The following HGFAC variants were observed in gnomAD, a reference collection of about 807,000 sequenced individuals.
HGFAC encodes the protein hepatocyte growth factor activator serine protease.
A neutral mutation model predicts 70.6 loss-of-function variants in HGFAC; 76 were observed. The observed-to-expected ratio is 1.08, with a 90% CI of 0.89 to 1.30. HGFAC has a LOEUF of 1.30. Among genes scored for constraint, HGFAC ranks in the 50% most tolerant of loss-of-function variants. HGFAC has a pLI of 0.00. For missense variants in HGFAC, 1,044 were observed against 933.7 expected (o/e 1.12, Z -1.54); for synonymous variants, 464 against 405.3 (o/e 1.14, Z -1.74).
chr4:3,449,179 A>AG (rs1035886371), intron 13 of HGFAC, 58 bp from the exon 14 acceptor site: 68 of 1,504,980 alleles, frequency 4.5e-5, no homozygotes, highest in East Asian at 4.4e-4. Flanking sequence ...CTTGGGGGAG[A>AG]GGGGGGTCCC....
intron 8 of HGFAC, 128 bp downstream of exon 8, chr4:3,445,121 T>G: frequency 7.5e-7 from 1 of 1,328,406 alleles, no homozygotes; most frequent in Non-Finnish European, 1.0e-6. Context: ...AACCTCTGCC[T>G]GGGAGGCTGC....
intron 13 of HGFAC, 109 bp downstream of exon 13, chr4:3,448,385 T>A: frequency 7.5e-7 from 1 of 1,336,478 alleles, no homozygotes; most frequent in Non-Finnish European, 1.0e-6. Flanking sequence ...CACCCCAACC[T>A]GGCAGGGCCA....
At chr4:3,447,658 C>A (rs1421652225) in intron 11 of HGFAC, 27 bp downstream of exon 11, 5 of 1,610,942 alleles carry the variant, frequency 3.1e-6, no homozygotes, top group Non-Finnish European at 4.2e-6. Context: ...CGTGGCTGCA[C>A]TCTGGGCAGG....
At chr4:3,441,819 G>A (rs1725321756), upstream of HGFAC, 1 of 507,542 alleles carries the variant, frequency 2.0e-6, no homozygotes, top group Non-Finnish European at 3.4e-6. This position sits in a 1 kb window ranked among gnomAD's most constrained non-coding sequence, Gnocchi z 6.0. Flanking sequence ...TGGGCTTCCA[G>A]GTAGGGTCAA....
chr4:3,441,143 A>G (rs1008389101), upstream of HGFAC, among the ~76,000 whole-genome samples: 3 of 152,140 alleles, frequency 2.0e-5, no homozygotes, highest in African/African-American at 7.2e-5. This position sits in a 1 kb window ranked among gnomAD's most constrained non-coding sequence, Gnocchi z 6.0. Flanking sequence ...CACAGCCCCA[A>G]GTCACGAATT....
intron 7 of HGFAC, 22 bp downstream of exon 7, chr4:3,444,755 G>C: frequency 6.3e-7 from 1 of 1,577,948 alleles, no homozygotes; most frequent in South Asian, 1.1e-5. Flanking sequence ...AGCCCCCCGG[G>C]GTGCCCTGGG....
chr4:3,448,938 G>A (rs1462608221), intron 13 of HGFAC, among the ~76,000 whole-genome samples: 1 of 152,156 alleles, frequency 6.6e-6, no homozygotes, highest in Non-Finnish European at 1.5e-5. Flanking sequence ...TCCAGGGAGT[G>A]AAGAAGTCAT....
At position 3,442,038 on chromosome 4, in the gene HGFAC, C is replaced by T. The variant is rs747546043; in HGVS notation, c.37C>T (p.Pro13Ser). The T allele has an allele frequency of 1.3e-4, 205 of 1,527,868 alleles. No homozygotes were observed. Among genetic ancestry groups the T allele is most frequent in the Non-Finnish European group, 1.7e-4 (201 of 1,154,550 alleles). The allele number at this position is 1,527,868 out of a possible 1,614,324, so 94.6% of individuals were successfully genotyped here. Residue 13 changes from proline to serine, a missense_variant, in exon 1 of 14, where the codon CCA (proline) becomes TCA (serine). By Grantham distance (74) the Pro-to-Ser change is moderately conservative. Coordinates refer to ENST00000382774, the MANE Select transcript of HGFAC (RefSeq NM_001528.4). ...RWAWVPSPWPPPGLGPFLLLL... is the reference protein window; with the variant it reads ...RWAWVPSPWPSPGLGPFLLLL... ...GGCCTGGGTCCCCAGCCCCTGGCCCCCACCGGGGCTGGGCCCCTTCCTCCT... is the reference window on the plus strand; with the variant it reads ...GGCCTGGGTCCCCAGCCCCTGGCCCTCACCGGGGCTGGGCCCCTTCCTCCT...
Position 3,447,488 on chromosome 4 carries a change from A to G in HGFAC, c.1356-4A>G, listed in dbSNP as rs1184703296. 1 of 1,612,248 alleles carries G rather than the reference A, an allele frequency of 6.2e-7. No homozygotes were observed. The highest frequency in any genetic ancestry group is 1.3e-5 in the African/African-American group (1 of 74,902). ...CCATGCAGCCTCCAGCCCCCCTTGC[A>G]CAGCCCCCCCAGGGACAGCGTCTCC... On this transcript the variant is annotated splice_region_variant and splice_polypyrimidine_tract_variant and intron_variant, in intron 10 of 13. Transcript: ENST00000382774.
chr4:3,446,613 C>T (rs1334176800), intron 10 of HGFAC, among the ~76,000 whole-genome samples: 1 of 152,160 alleles, frequency 6.6e-6, no homozygotes, highest in Non-Finnish European at 1.5e-5. Flanking sequence ...CTCCCAGAGT[C>T]CTGGCTCTCA....
chr4:3,442,679 G>C, intron 1 of HGFAC, 53 bp from the exon 2 acceptor site: 1 of 1,303,288 alleles, frequency 7.7e-7, no homozygotes, highest in African/African-American at 1.5e-5. Context: ...CTGCCCGGCA[G>C]GACCTGAGTG....
chr4:3,445,419 C>G (rs1725473543), intron 9 of HGFAC, 69 bp downstream of exon 9: 4 of 1,088,050 alleles, frequency 3.7e-6, no homozygotes, highest in South Asian at 1.3e-5. Context: ...CGTGATCCTC[C>G]TAGCCCCTCC....
chr4:3,445,007 C>T lies in HGFAC; in HGVS notation c.1016+14C>T, dbSNP rs377539052. The T allele has an allele frequency of 8.2e-5, 127 of 1,549,154 alleles. No individual in the cohort carries two copies. Among genetic ancestry groups the T allele is most frequent in the South Asian group, 3.3e-4 (27 of 81,304 alleles). On this transcript the variant is annotated intron_variant, in intron 8 of 13. Transcript: ENST00000382774. ...TGCCTACTGCCGGTCAGCACCACGCCGCTCCAGGCCGCCGCATGCGGGGCA... is the reference window on the plus strand; with the variant it reads ...TGCCTACTGCCGGTCAGCACCACGCTGCTCCAGGCCGCCGCATGCGGGGCA...
At chr4:3,441,074 C>T (rs989892762), upstream of HGFAC, among the ~76,000 whole-genome samples, 25 of 152,124 alleles carry the variant, frequency 1.6e-4, no homozygotes, top group Admixed American at 3.3e-4. The surrounding 1 kb of genome is among the most constrained non-coding windows in gnomAD (Gnocchi z 6.0). Context: ...CAGGAGGAAC[C>T]CGAGGTGCCG....
intron 10 of HGFAC, among the ~76,000 whole-genome samples, chr4:3,446,588 C>T (rs1165822463): frequency 6.6e-6 from 1 of 152,126 alleles, no homozygotes; most frequent in African/African-American, 2.4e-5. Context: ...CCTGTCCTCC[C>T]CGCAGGCCCC....
At chr4:3,444,589 G>T in intron 6 of HGFAC, 34 bp from the exon 7 acceptor site, 3 of 1,550,800 alleles carry the variant, frequency 1.9e-6, no homozygotes, top group Non-Finnish European at 2.6e-6. Flanking sequence ...GGCACTGCGC[G>T]GCCCCTGGCC....
intron 6 of HGFAC, 60 bp downstream of exon 6, chr4:3,444,502 G>A (rs1393007316): frequency 2.6e-6 from 4 of 1,527,318 alleles, no homozygotes; most frequent in African/African-American, 1.4e-5. Context: ...GTCCACACCC[G>A]AGTGGGAGGA....
Position 3,448,155 on chromosome 4 carries a change from G to T in HGFAC, c.1664G>T (p.Arg555Leu). 23 of 1,597,402 alleles carry T rather than the reference G, an allele frequency of 1.4e-5. No homozygotes were observed. The highest frequency in any genetic ancestry group is 2.3e-5 in the East Asian group (1 of 44,056). The part of the protein sequence containing the change: ...ENVSGYSSSL[R>L]EALVPLVADH... The stretch of plus-strand genomic sequence containing the variant: ...GTGAGCGGCTACTCCAGCTCCCTGC[G>T]GGAGGCCCTGGTCCCCCTGGTCGCC... Residue 555 changes from arginine (R) to leucine (L), a missense_variant, in exon 13 of 14, where the codon CGG (arginine) becomes CTG (leucine). Coordinates refer to ENST00000382774, the MANE Select transcript of HGFAC (RefSeq NM_001528.4).
intron 10 of HGFAC, among the ~76,000 whole-genome samples, chr4:3,446,918 C>T (rs1354818828): frequency 2.0e-5 from 3 of 152,196 alleles, no homozygotes; most frequent in Non-Finnish European, 4.4e-5. Flanking sequence ...TCCTGCGTGG[C>T]CCTGCAGAAC....
Sources: allele counts gnomAD v4.1 joint callset (sites outside exome capture counted in the v4.1 genomes callset), GRCh38; gene constraint gnomAD v4.1.1; non-coding constraint Gnocchi (gnomAD v3.1); transcripts MANE v1.5; gene names NCBI Gene and HGNC (gene_info 2026-07-23, HGNC 2026-07-21).